APOB: variants seen among roughly 807,000 people sequenced by gnomAD.
APOB encodes the protein apolipoprotein B, also known as apolipoprotein B-100.
APOB carries 153 observed loss-of-function variants against 314.1 expected under a neutral mutation model. That is an observed-to-expected ratio of 0.49 (90% CI 0.43 to 0.56). APOB has a LOEUF of 0.56. APOB is among the 20% of genes least tolerant of loss of function. The pLI is 0.00. For synonymous variants in APOB, 2,087 were observed against 2,036.4 expected (o/e 1.02, Z -0.67); for missense variants, 5,430 against 5,350.7 (o/e 1.01, Z -0.46).
Position 21,013,328 on chromosome 2 carries a change from C to A in APOB, c.4048G>T (p.Val1350Leu), listed in dbSNP as rs371083133. 6.2e-7 allele frequency: 1 copy of A among 1,614,184 alleles called. No individual in the cohort carries two copies. Among genetic ancestry groups the A allele is most frequent in the South Asian group, 1.1e-5 (1 of 91,084 alleles). The change falls in exon 25 of 29, where the codon GTG (valine) becomes TTG (leucine). Residue 1350 changes from valine (V) to leucine (L), a missense_variant. Physicochemically the swap from Val to Leu is conservative, Grantham distance 32. This residue lies in a region of APOB where 2,085 missense variants were observed against 2,079.7 expected (regional missense o/e 1.00). Transcript: ENST00000233242. ...AGGTCTAGAACACCCAGGAGAGGCA[C>A]TTGCAGTTGATACAACTTGGGAATG... ...FTIPKLYQLQ[V>L]PLLGVLDLST...
intron 6 of APOB, 78 bp downstream of exon 6, chr2:21,037,022 A>G: frequency 1.3e-6 from 2 of 1,583,472 alleles, no homozygotes; most frequent in South Asian, 2.3e-5. Context: ...AAAGGTGCCC[A>G]CTAGCTCAAA....
Position 21,032,492 on chromosome 2 carries a change from G to C in APOB, c.1214C>G (p.Pro405Arg), listed in dbSNP as rs751860615. The change falls in exon 10 of 29, where the codon CCC (proline) becomes CGC (arginine). Residue 405 changes from proline (P) to arginine (R), a missense_variant. By Grantham distance (103) the Pro-to-Arg change is moderately radical. This residue lies in a region of APOB where 2,085 missense variants were observed against 2,079.7 expected (regional missense o/e 1.00). Coordinates refer to ENST00000233242, the MANE Select transcript of APOB (RefSeq NM_000384.3). ...LQWLKRVHAN[P>R]LLIDVVTYLV... ...GTAGGTGACCACATCTATCAGAAGG[G>C]GGTTGGCATGCACACGTTTCAGCCA... The C allele has an allele frequency of 6.2e-7, 1 of 1,614,192 alleles. No homozygotes were observed. The highest frequency in any genetic ancestry group is 8.5e-7 in the Non-Finnish European group (1 of 1,180,028).
In APOB at chr2:21,002,800, G is replaced by A. The variant is rs1276564590; in HGVS notation, c.12622C>T (p.Pro4208Ser). ...NFPRFQFPGK[P>S]GIYTREELCT... ...AGTTCCTCCCTAGTGTATATCCCAG[G>A]TTTCCCCGGAAACTGGAATCTGGGG... Residue 4208 changes from proline to serine, a missense_variant, in exon 29 of 29, where the codon CCT (proline) becomes TCT (serine). Coordinates refer to ENST00000233242, the MANE Select transcript of APOB (RefSeq NM_000384.3). 6.2e-7 allele frequency: 1 copy of A among 1,610,192 alleles called. No homozygotes were observed. Among genetic ancestry groups the A allele is most frequent in the South Asian group, 1.1e-5 (1 of 90,518 alleles).
rs529892305 is a variant in APOB at position 21,038,038 on chromosome 2, T to G, written c.457A>C (p.Ile153Leu). Reference protein sequence around the residue: ...LYPEKDEPTYILNIKRGIISA... With the variant: ...LYPEKDEPTYLLNIKRGIISA... ...ATGATGCCCCTCTTGATGTTCAGGA[T>G]GTAAGTAGGTTCATCTTTCTCCGGG... Residue 153 changes from isoleucine to leucine, a missense_variant, in exon 5 of 29, where the codon ATC becomes CTC. Around this residue, in one of 3 missense-constraint regions of APOB, gnomAD observed 2,085 missense variants for 2,079.7 expected, o/e 1.00. Coordinates refer to ENST00000233242, the MANE Select transcript of APOB (RefSeq NM_000384.3). The G allele has an allele frequency of 1.9e-6, 3 of 1,614,242 alleles. No individual in the cohort carries two copies. The African/African-American group carries it at 4.0e-5, about 22-fold the overall frequency.
rs776062118 is a variant in APOB at position 21,015,467 on chromosome 2, G to A, written c.3411C>T (p.Ile1137=). The A allele has an allele frequency of 4.3e-6, 7 of 1,613,992 alleles. No individual in the cohort carries two copies. The highest frequency in any genetic ancestry group is 2.5e-6 in the Non-Finnish European group (3 of 1,180,022). The part of the protein sequence containing the change: ...PRLQAEARSE[I]LAHWSPAKLL... ...GTTTGGCAGGCGACCAGTGGGCGAGGATCTCACTTCTGGCTTCTGCTTGCA... is the reference window on the plus strand; with the variant it reads ...GTTTGGCAGGCGACCAGTGGGCGAGAATCTCACTTCTGGCTTCTGCTTGCA... Residue 1137 remains isoleucine (I), a synonymous_variant, in exon 22 of 29, where the codon ATC becomes ATT. Coordinates refer to ENST00000233242, the MANE Select transcript of APOB (RefSeq NM_000384.3).
At chr2:21,038,602 C>T (rs775813224) in intron 4 of APOB, among the ~76,000 whole-genome samples, 8 of 152,346 alleles carry the variant, frequency 5.3e-5, no homozygotes, top group Non-Finnish European at 1.2e-4. Flanking sequence ...TCCCAAAGTG[C>T]TGGGACTACA....
chr2:21,002,645 T>G lies in APOB; in HGVS notation c.12777A>C (p.Lys4259Asn). ...TCGAGATTACATCTATTAGTTTATGTTTCCTTAACTCGAAAGGAAGTGTAA... is the reference window on the plus strand; with the variant it reads ...TCGAGATTACATCTATTAGTTTATGGTTCCTTAACTCGAAAGGAAGTGTAA... ...LVITLPFELR[K>N]HKLIDVISMY... Residue 4259 changes from lysine to asparagine, a missense_variant, in exon 29 of 29, where the codon AAA becomes AAC. Physicochemically the swap from Lys to Asn is moderately conservative, Grantham distance 94 (BLOSUM62 0). Around this residue, in one of 3 missense-constraint regions of APOB, gnomAD observed 3,281 missense variants for 3,171.0 expected, o/e 1.03. Coordinates refer to ENST00000233242, the MANE Select transcript of APOB (RefSeq NM_000384.3). 6.2e-7 allele frequency: 1 copy of G among 1,613,908 alleles called. No individual in the cohort carries two copies.
At position 21,009,141 on chromosome 2, in the gene APOB, C is replaced by A. The variant is rs759057929; in HGVS notation, c.7727G>T (p.Arg2576Leu). The A allele has an allele frequency of 6.2e-7, 1 of 1,614,056 alleles. No homozygotes were observed. The highest frequency in any genetic ancestry group is 8.5e-7 in the Non-Finnish European group (1 of 1,179,948). ...CCCTTGCTCTACCAATGCTTTCATA[C>A]GTTTAGCCCAATCTTGGATAGAATA... ...EQYSIQDWAKRMKALVEQGFT... is the reference protein window; with the variant it reads ...EQYSIQDWAKLMKALVEQGFT... Residue 2576 changes from arginine to leucine, a missense_variant, in exon 26 of 29, where the codon CGT becomes CTT. Around this residue, in one of 3 missense-constraint regions of APOB, gnomAD observed 3,281 missense variants for 3,171.0 expected, o/e 1.03. Transcript: ENST00000233242.
intron 18 of APOB, among the ~76,000 whole-genome samples, chr2:21,020,149 G>A (rs1257434835): frequency 2.0e-5 from 3 of 152,162 alleles, no homozygotes; most frequent in Non-Finnish European, 2.9e-5. Flanking sequence ...CCCCACAACA[G>A]TAGGCTTATG....
chr2:21,026,350 C>T (rs1226234478), intron 15 of APOB, among the ~76,000 whole-genome samples: 1 of 151,924 alleles, frequency 6.6e-6, no homozygotes, highest in Non-Finnish European at 1.5e-5. Flanking sequence ...CGGGTTCAAG[C>T]AATTCTCCTG....
rs1042006 is a variant in APOB, at chr2:21,008,870, T to C, written c.7998A>G (p.Val2666=). 1.3e-4 allele frequency: 203 copies of C among 1,614,100 alleles called. 1 individual carries two copies. Among genetic ancestry groups the C allele is most frequent in the South Asian group, 3.4e-4 (31 of 91,084 alleles). Residue 2666 remains valine (V), a synonymous_variant, in exon 26 of 29, where the codon GTA becomes GTG. Transcript: ENST00000233242. ...FHIPSFTIDF[V]EMKVKIIRTI... Reference sequence around the variant, plus strand: ...TTCTGATGATCTTTACTTTCATTTCTACAAAGTCAATTGTAAAGGAAGGAA... The same window carrying C: ...TTCTGATGATCTTTACTTTCATTTCCACAAAGTCAATTGTAAAGGAAGGAA...
Position 21,008,656 on chromosome 2 carries a change from T to C in APOB, c.8212A>G (p.Ile2738Val). 1.2e-6 allele frequency: 2 copies of C among 1,614,090 alleles called. No homozygotes were observed. The highest frequency in any genetic ancestry group is 2.2e-5 in the South Asian group (2 of 91,090). Residue 2738 changes from isoleucine (I) to valine (V), a missense_variant, in exon 26 of 29, where the codon ATA becomes GTA. Physicochemically the swap from Ile to Val is conservative, Grantham distance 29. Around this residue, in one of 3 missense-constraint regions of APOB, gnomAD observed 3,281 missense variants for 3,171.0 expected, o/e 1.03. Transcript: ENST00000233242. The stretch of plus-strand genomic sequence containing the variant: ...ATGTGGGGAAGCTGGAATTCTGGTA[T>C]GTGAAGGTCAGGAACTTGAAAATCA... ...LNDFQVPDLH[I>V]PEFQLPHISH...
In APOB at chr2:21,005,173, T is replaced by C; in HGVS notation, c.11695A>G (p.Ser3899Gly). The change falls in exon 26 of 29, where the codon AGT (serine) becomes GGT (glycine). Residue 3899 changes from serine to glycine, a missense_variant. Around this residue, in one of 3 missense-constraint regions of APOB, gnomAD observed 3,281 missense variants for 3,171.0 expected, o/e 1.03. Transcript: ENST00000233242. Reference sequence around the variant, plus strand: ...TCTGCTTTGTTTTTCAAACTGGCACTCCAAGTGGCATTATACACGGGAGAG... The same window carrying C: ...TCTGCTTTGTTTTTCAAACTGGCACCCCAAGTGGCATTATACACGGGAGAG... The part of the protein sequence containing the change: ...VDSPVYNATW[S>G]ASLKNKADYV... 1 of 1,614,060 alleles carries C rather than the reference T, an allele frequency of 6.2e-7. No homozygotes were observed. The highest frequency in any genetic ancestry group is 8.5e-7 in the Non-Finnish European group (1 of 1,179,948).
Position 21,002,025 on chromosome 2 carries a change from A to G in APOB, c.13397T>C (p.Ile4466Thr), listed in dbSNP as rs1452758762. 1.2e-6 allele frequency: 2 copies of G among 1,614,064 alleles called. No homozygotes were observed. The highest frequency in any genetic ancestry group is 1.7e-6 in the Non-Finnish European group (2 of 1,179,984). Residue 4466 changes from isoleucine to threonine, a missense_variant, in exon 29 of 29, where the codon ATT becomes ACT. Coordinates refer to ENST00000233242, the MANE Select transcript of APOB (RefSeq NM_000384.3). ...CTGAGCAGTGGCAGAAAGCTCTGCA[A>G]TCTTCTCTTTCCCTTTTCCATCTGG... Reference protein sequence around the residue: ...TDPDGKGKEKIAELSATAQEI... With the variant: ...TDPDGKGKEKTAELSATAQEI...
intron 5 of APOB, 22 bp from the exon 6 acceptor site, chr2:21,037,277 C>A: frequency 6.2e-7 from 1 of 1,613,390 alleles, no homozygotes; most frequent in Non-Finnish European, 8.5e-7. Flanking sequence ...GAAGATGCAA[C>A]CACATGTATT....
chr2:21,023,941 T>C, intron 16 of APOB: 1 of 355,376 alleles, frequency 2.8e-6, no homozygotes, highest in Admixed American at 4.2e-5. Flanking sequence ...CAGAAGGCTC[T>C]TAAGAATATT....
At chr2:21,015,672 A>G in intron 21 of APOB, 127 bp from the exon 22 acceptor site, 1 of 991,010 alleles carries the variant, frequency 1.0e-6, no homozygotes, top group South Asian at 1.4e-5. Flanking sequence ...AAACAGCCAC[A>G]GATCAAACTC....
rs1208093663 is a variant in APOB at position 21,008,271 on chromosome 2, G to T, written c.8597C>A (p.Thr2866Lys). ...TVASLHTEKN[T>K]LELSNGVIVK... ...AATCACTCCATTACTAAGCTCCAGTGTATTTTTTTCTGTGTGTAAACTTGC... is the reference window on the plus strand; with the variant it reads ...AATCACTCCATTACTAAGCTCCAGTTTATTTTTTTCTGTGTGTAAACTTGC... Residue 2866 changes from threonine to lysine, a missense_variant, in exon 26 of 29, where the codon ACA (threonine) becomes AAA (lysine). Physicochemically the swap from Thr to Lys is moderately conservative, Grantham distance 78 (BLOSUM62 -1). Around this residue, in one of 3 missense-constraint regions of APOB, gnomAD observed 3,281 missense variants for 3,171.0 expected, o/e 1.03. Coordinates refer to ENST00000233242, the MANE Select transcript of APOB (RefSeq NM_000384.3). 1.6e-5 allele frequency: 26 copies of T among 1,613,820 alleles called. No homozygotes were observed. The highest frequency in any genetic ancestry group is 2.1e-5 in the Non-Finnish European group (25 of 1,179,926).
intron 10 of APOB, 61 bp downstream of exon 10, chr2:21,032,293 T>C (rs2103379194): frequency 4.9e-6 from 7 of 1,432,508 alleles, no homozygotes; most frequent in Non-Finnish European, 5.9e-6. Context: ...AATACAGAGA[T>C]GCACAGAGGT....
Sources: gnomAD v4.1 joint callset for allele counts (sites outside exome capture counted in the v4.1 genomes callset) on GRCh38, gnomAD v4.1.1 for gene constraint, gnomAD v4.1.1 regional missense constraint, MANE v1.5 for transcripts, NCBI Gene and HGNC (gene_info 2026-07-23, HGNC 2026-07-21) for gene names.